The following SPTAN1 variants were observed in gnomAD, a reference collection of about 807,000 sequenced individuals.
SPTAN1 encodes the protein spectrin alpha, non-erythrocytic 1, also known as spectrin alpha chain, non-erythrocytic 1.
SPTAN1 carries 61 observed loss-of-function variants against 331.3 expected under a neutral mutation model. That is an observed-to-expected ratio of 0.18 (90% CI 0.15 to 0.23). The LOEUF (loss-of-function observed/expected upper bound fraction) is 0.23, where lower values mean the gene tolerates loss of function less well. SPTAN1 is among the 10% of genes least tolerant of loss of function. The pLI is 1.00. For synonymous variants in SPTAN1, 1,153 were observed against 1,173.9 expected (o/e 0.98, Z 0.36); for missense variants, 2,043 against 3,147.9 (o/e 0.65, Z 8.40).
chr9:128,559,982 G>A (rs553715700), intron 1 of SPTAN1, among the ~76,000 whole-genome samples: 4 of 151,850 alleles, frequency 2.6e-5, no homozygotes, highest in East Asian at 1.9e-4. Flanking sequence ...TGATCCACCC[G>A]CCTTGGCCTC....
intron 46 of SPTAN1, 93 bp downstream of exon 46, chr9:128,624,580 G>A (rs186562810): frequency 7.2e-4 from 1,066 of 1,474,436 alleles, no homozygotes; most frequent in Non-Finnish European, 6.0e-4. Context: ...AGAAGAAACT[G>A]ATCAATTGTG....
chr9:128,591,468 T>C lies in SPTAN1; in HGVS notation c.3007-9T>C, dbSNP rs1210088511. 6.2e-7 allele frequency: 1 copy of C among 1,614,002 alleles called. No individual in the cohort carries two copies. Among genetic ancestry groups the C allele is most frequent in the Non-Finnish European group, 8.5e-7 (1 of 1,180,014 alleles). ...AATTTACTTTCAGTTCTCCCTCTTTTTTCCTTAGGATTGGTGGAAAGTGGA... is the reference window on the plus strand; with the variant it reads ...AATTTACTTTCAGTTCTCCCTCTTTCTTCCTTAGGATTGGTGGAAAGTGGA... On this transcript the variant is annotated splice_polypyrimidine_tract_variant and intron_variant, in intron 21 of 56. Transcript: ENST00000372739.
intron 20 of SPTAN1, among the ~76,000 whole-genome samples, chr9:128,587,981 G>C (rs998707843): frequency 6.6e-6 from 1 of 151,144 alleles, no homozygotes; most frequent in Non-Finnish European, 1.5e-5. Context: ...GAGTAGGTGG[G>C]ATTACAGGTG....
intron 4 of SPTAN1, 26 bp from the exon 5 acceptor site, chr9:128,575,173 C>CT (rs1411066394): frequency 2.5e-6 from 4 of 1,614,028 alleles, no homozygotes; most frequent in Admixed American, 1.7e-5. Context: ...GTTGGTGACT[C>CT]TGGCTCTCTT....
At chr9:128,562,228 G>A (rs1849460537) in intron 1 of SPTAN1, among the ~76,000 whole-genome samples, 1 of 151,924 alleles carries the variant, frequency 6.6e-6, no homozygotes, top group African/African-American at 2.4e-5. Context: ...TCAGCCTCCC[G>A]AGTAGCTGGG....
In SPTAN1 at chr9:128,581,823, T is replaced by C. The variant is rs1281737136; in HGVS notation, c.1503T>C (p.Ser501=). ...LNEDLGDSLD[S]VEALLKKHED... is the part of the protein sequence containing the mutation. ...AAGACTTGGGAGATTCCTTGGATAG[T>C]GTGGAAGCGCTTCTTAAGAAGCACG... The change falls in exon 12 of 57, where the codon AGT becomes AGC. Residue 501 remains serine, a synonymous_variant. Transcript: ENST00000372739. 17 of 1,614,142 alleles carry C rather than the reference T, an allele frequency of 1.1e-5. No homozygotes were observed. Among genetic ancestry groups the C allele is most frequent in the Non-Finnish European group, 1.4e-5 (16 of 1,179,982 alleles).
At chr9:128,628,108 C>T (rs1554767400) in intron 51 of SPTAN1, 166 bp downstream of exon 51, 3 of 898,656 alleles carry the variant, frequency 3.3e-6, no homozygotes, top group Non-Finnish European at 5.6e-6. Context: ...GTGTGCCTTG[C>T]CCCATAGCCC....
Position 128,618,031 on chromosome 9 carries a change from C to A in SPTAN1, c.5523C>A (p.Ile1841=). Residue 1841 remains isoleucine (I), a synonymous_variant, in exon 43 of 57, where the codon ATC becomes ATA. Transcript: ENST00000372739. The part of the protein sequence containing the change: ...TGKKLSDDNT[I]GKEEIQQRLA... ...AGAAGCTGTCCGATGACAACACCAT[C>A]GGGAAAGAGGAGATCCAGCAGCGGC... The A allele has an allele frequency of 6.2e-7, 1 of 1,614,044 alleles. No individual in the cohort carries two copies. The highest frequency in any genetic ancestry group is 8.5e-7 in the Non-Finnish European group (1 of 1,179,984).
rs192854168 is a variant in SPTAN1, at chr9:128,601,082, C to T, written c.3579+967C>T. On this transcript the variant is annotated intron_variant, in intron 27 of 56. Coordinates refer to ENST00000372739, the MANE Select transcript of SPTAN1 (RefSeq NM_001130438.3). ...CACTGCAACCTCTGCTTCCCAGATT[C>T]AAGCGATCCTCCTTCCTCAGCTCCC... is the stretch of plus-strand genomic sequence containing the variant. 3.1e-3 allele frequency among the ~76,000 whole-genome samples: 446 copies of T among 141,886 alleles called. 2 individuals are homozygous for T. Among genetic ancestry groups the T allele is most frequent in the Non-Finnish European group, 5.1e-3 (338 of 66,522 alleles). 93.1% of individuals were successfully genotyped at this position (141,886 alleles called of 152,430 possible). A position where few individuals can be genotyped will look rare whatever the true frequency, so the allele number is the denominator to read the frequency against.
rs1858681075 is a variant in SPTAN1 at position 128,626,014 on chromosome 9, C to T, written c.6279+36C>T. 6 of 1,610,626 alleles carry T rather than the reference C, an allele frequency of 3.7e-6. No individual in the cohort carries two copies. In the South Asian group the frequency reaches 4.4e-5, roughly 12 times the overall value. Reference sequence around the variant, plus strand: ...GGCCACGTGAAGCTTAGCTGGCCCACAGCTCAAGGAAGGACGCCCACCTTC... The same window carrying T: ...GGCCACGTGAAGCTTAGCTGGCCCATAGCTCAAGGAAGGACGCCCACCTTC... On this transcript the variant is annotated intron_variant, in intron 48 of 56. Coordinates refer to ENST00000372739, the MANE Select transcript of SPTAN1 (RefSeq NM_001130438.3).
chr9:128,611,949 A>T, intron 38 of SPTAN1, 104 bp downstream of exon 38: 1 of 1,604,350 alleles, frequency 6.2e-7, no homozygotes, highest in Non-Finnish European at 8.5e-7. Flanking sequence ...TAAATGGATT[A>T]TAGAAGACTT....
At chr9:128,622,256 G>A (rs1383626257) in intron 45 of SPTAN1, among the ~76,000 whole-genome samples, 2 of 148,912 alleles carry the variant, frequency 1.3e-5, no homozygotes, top group African/African-American at 2.5e-5. Context: ...GATCACCAGT[G>A]TGAGTGTCCT....
chr9:128,599,598 A>G (rs1854791278), intron 26 of SPTAN1: 1 of 179,460 alleles, frequency 5.6e-6, no homozygotes, highest in Admixed American at 5.7e-5. Context: ...AGCCTACTGC[A>G]GCCTCGAACT....
In SPTAN1 at chr9:128,613,409, A is replaced by G. The variant is rs1160817637; in HGVS notation, c.5072A>G (p.Tyr1691Cys). The change falls in exon 40 of 57, where the codon TAT (tyrosine) becomes TGT (cysteine). Residue 1691 changes from tyrosine (Y) to cysteine (C), a missense_variant. Physicochemically the swap from Tyr to Cys is radical, Grantham distance 194. Transcript: ENST00000372739. ...EVEALLASED[Y>C]GKDLASVNNL... ...GAGGCCCTGCTGGCATCCGAAGATT[A>G]TGGCAAAGACCTAGCTTCTGTGAAC... is the stretch of plus-strand genomic sequence containing the variant. 6.2e-7 allele frequency: 1 copy of G among 1,614,128 alleles called. No individual in the cohort carries two copies. The highest frequency in any genetic ancestry group is 8.5e-7 in the Non-Finnish European group (1 of 1,180,046).
intron 3 of SPTAN1, among the ~76,000 whole-genome samples, chr9:128,571,273 G>A (rs1354250697): frequency 1.5e-5 from 2 of 137,856 alleles, no homozygotes; most frequent in African/African-American, 5.2e-5. Flanking sequence ...CTAGGCAACA[G>A]AGCAAGACTG....
chr9:128,607,799 G>T (rs954945691), intron 32 of SPTAN1, 53 bp from the exon 33 acceptor site: 4 of 1,612,134 alleles, frequency 2.5e-6, no homozygotes, highest in Non-Finnish European at 3.4e-6. Flanking sequence ...GGTGGTTGAC[G>T]TCAGAGTGGG....
chr9:128,559,678 A>G (rs747719265), intron 1 of SPTAN1, among the ~76,000 whole-genome samples: 1 of 152,196 alleles, frequency 6.6e-6, no homozygotes, highest in Non-Finnish European at 1.5e-5. Flanking sequence ...AAGGAAATAT[A>G]TAAATAAATA....
At chr9:128,582,284 T>G (rs901843579) in intron 12 of SPTAN1, among the ~76,000 whole-genome samples, 195 bp from the exon 13 acceptor site, 2 of 152,044 alleles carry the variant, frequency 1.3e-5, no homozygotes, top group African/African-American at 4.8e-5. Flanking sequence ...TGCAGTCTTA[T>G]GATATCTGAC....
chr9:128,567,001 C>T (rs1340533763), intron 2 of SPTAN1, 24 bp downstream of exon 2: 2 of 1,613,460 alleles, frequency 1.2e-6, no homozygotes, highest in Admixed American at 3.3e-5. Context: ...CCTGGGATTC[C>T]TGCCAAAATT....
Sources: allele counts gnomAD v4.1 joint callset (sites outside exome capture counted in the v4.1 genomes callset), GRCh38; gene constraint gnomAD v4.1.1; transcripts MANE v1.5; gene names NCBI Gene and HGNC (gene_info 2026-07-23, HGNC 2026-07-21).